Variants in NKAIN3 observed in about 807,000 individuals in gnomAD.
NKAIN3 encodes the protein sodium/potassium-transporting ATPase subunit beta-1-interacting protein 3.
A neutral mutation model predicts 30.2 loss-of-function variants in NKAIN3; 25 were observed. That is an observed-to-expected ratio of 0.83 (90% CI 0.60 to 1.16). The LOEUF (loss-of-function observed/expected upper bound fraction) is 1.16. NKAIN3 is among the 50% of genes most tolerant of loss of function. The pLI is 0.00. For missense variants in NKAIN3, 225 were observed against 254.1 expected (o/e 0.89, Z 0.78); for synonymous variants, 91 against 89.6 (o/e 1.02, Z -0.09).
intron 5 of NKAIN3, among the ~76,000 whole-genome samples, chr8:62,923,368 T>A (rs1187956046): frequency 6.6e-6 from 1 of 152,132 alleles, no homozygotes; most frequent in Non-Finnish European, 1.5e-5. Flanking sequence ...GTTTATAGTG[T>A]TAAATAAATT....
chr8:62,297,360 G>T (rs1244334138), intron 1 of NKAIN3, among the ~76,000 whole-genome samples: 2 of 151,906 alleles, frequency 1.3e-5, no homozygotes, highest in South Asian at 2.1e-4. Flanking sequence ...CACAGCAAAA[G>T]AAACTACCAT....
At chr8:62,420,415 G>C (rs1474128003) in intron 1 of NKAIN3, among the ~76,000 whole-genome samples, 2 of 152,158 alleles carry the variant, frequency 1.3e-5, no homozygotes, top group African/African-American at 4.8e-5. Flanking sequence ...TTTTTAAAAT[G>C]TAATTGGTAT....
intron 4 of NKAIN3, among the ~76,000 whole-genome samples, chr8:62,752,322 G>C (rs182477556): frequency 6.6e-6 from 1 of 152,074 alleles, no homozygotes; most frequent in Non-Finnish European, 1.5e-5. Context: ...TCCTATTTAG[G>C]CTGGTCCGTC....
intron 1 of NKAIN3, among the ~76,000 whole-genome samples, chr8:62,358,744 T>C (rs1816439416): frequency 6.6e-6 from 1 of 152,190 alleles, no homozygotes; most frequent in African/African-American, 2.4e-5. Flanking sequence ...CATTTATTAA[T>C]AATATAAAAT....
At chr8:62,907,144 G>A (rs1821799826) in intron 4 of NKAIN3, among the ~76,000 whole-genome samples, 1 of 152,178 alleles carries the variant, frequency 6.6e-6, no homozygotes, top group Non-Finnish European at 1.5e-5. Context: ...GCTATGTTTA[G>A]CAGGTGGCAT....
chr8:62,971,716 T>C lies in NKAIN3; in HGVS notation c.*6309T>C, dbSNP rs1823839125. ...ATACTTAGCAGTTTCAATCACACAGTTCAAACTAATTGACATGATTTCTTG... is the reference window on the plus strand; with the variant it reads ...ATACTTAGCAGTTTCAATCACACAGCTCAAACTAATTGACATGATTTCTTG... On this transcript the variant is annotated 3_prime_UTR_variant, in exon 7 of 7. Coordinates refer to ENST00000623646, the MANE Select transcript of NKAIN3 (RefSeq NM_001304533.3). Among the ~76,000 whole-genome samples, 1 of 152,176 alleles carries C rather than the reference T, an allele frequency of 6.6e-6. No homozygotes were observed. Among genetic ancestry groups the C allele is most frequent in the African/African-American group, 2.4e-5 (1 of 41,440 alleles).
At chr8:62,993,714 G>GA (rs1804034620) in intron 5 of NKAIN3, among the ~76,000 whole-genome samples, 1 of 152,138 alleles carries the variant, frequency 6.6e-6, no homozygotes, top group African/African-American at 2.4e-5. Context: ...ATGGAAATGA[G>GA]AAAAATACTA....
At chr8:62,894,983 AT>A (rs572062837) in intron 4 of NKAIN3, among the ~76,000 whole-genome samples, 91 of 152,288 alleles carry the variant, frequency 6.0e-4, no homozygotes, top group African/African-American at 2.1e-3. Context: ...AAAATCCCAC[AT>A]CACATCTAAT....
At chr8:62,583,711 T>TACCATTA (rs1810373788) in intron 2 of NKAIN3, among the ~76,000 whole-genome samples, 5 of 152,156 alleles carry the variant, frequency 3.3e-5, no homozygotes, top group Non-Finnish European at 5.9e-5. Flanking sequence ...ACTGGCAGAT[T>TACCATTA]CCAGATGATA....
At chr8:62,278,835 A>G (rs1037154523) in intron 1 of NKAIN3, among the ~76,000 whole-genome samples, 6 of 152,196 alleles carry the variant, frequency 3.9e-5, no homozygotes, top group Non-Finnish European at 5.9e-5. Context: ...GCTGCAATAA[A>G]CACACGTATG....
chr8:62,820,022 ACT>A (rs1818804826), intron 4 of NKAIN3, among the ~76,000 whole-genome samples: 1 of 152,162 alleles, frequency 6.6e-6, no homozygotes, highest in African/African-American at 2.4e-5. Flanking sequence ...TGAAATATTG[ACT>A]GGAAAACTGG....
intron 3 of NKAIN3, among the ~76,000 whole-genome samples, chr8:62,676,584 G>A (rs2130403095): frequency 6.6e-6 from 1 of 152,052 alleles, no homozygotes; most frequent in Non-Finnish European, 1.5e-5. Flanking sequence ...CAAAAACAAA[G>A]TATACTATCT....
intron 1 of NKAIN3, among the ~76,000 whole-genome samples, chr8:62,269,910 CTATT>C (rs1290389753): frequency 2.6e-5 from 4 of 152,052 alleles, no homozygotes; most frequent in African/African-American, 9.7e-5. Context: ...ATAAGTCTAT[CTATT>C]CTCTAAAAAT....
intron 3 of NKAIN3, among the ~76,000 whole-genome samples, chr8:62,670,630 T>C (rs1813270147): frequency 6.6e-6 from 1 of 151,982 alleles, no homozygotes; most frequent in South Asian, 2.1e-4. Context: ...CTTTTCACCA[T>C]TGCATATGGT....
chr8:62,946,955 G>A (rs901031938), intron 5 of NKAIN3, among the ~76,000 whole-genome samples: 2 of 152,172 alleles, frequency 1.3e-5, no homozygotes, highest in Non-Finnish European at 2.9e-5. Context: ...ATTATTTGCT[G>A]AATATAGTTA....
chr8:62,898,229 A>G (rs1431647773), intron 4 of NKAIN3, among the ~76,000 whole-genome samples: 3 of 24,800 alleles, frequency 1.2e-4, no homozygotes, highest in African/African-American at 3.9e-4. Flanking sequence ...GAATCAAAGG[A>G]AAAAAATCAT....
chr8:62,484,661 A>T (rs1806842173), intron 1 of NKAIN3, among the ~76,000 whole-genome samples: 1 of 152,214 alleles, frequency 6.6e-6, no homozygotes, highest in South Asian at 2.1e-4. Context: ...ACTCTAAGTT[A>T]TCTTTCTGGA....
chr8:62,313,751 C>A (rs1427100227), intron 1 of NKAIN3, among the ~76,000 whole-genome samples: 2 of 152,096 alleles, frequency 1.3e-5, no homozygotes, highest in Non-Finnish European at 2.9e-5. Context: ...AATTTCAGCA[C>A]CATTTTTCAA....
At chr8:62,324,433 T>C (rs1815046351) in intron 1 of NKAIN3, among the ~76,000 whole-genome samples, 1 of 152,128 alleles carries the variant, frequency 6.6e-6, no homozygotes, top group African/African-American at 2.4e-5. Flanking sequence ...ATAGTCTACT[T>C]CTCTCACACT....
Sources: gnomAD v4.1 joint callset for allele counts (sites outside exome capture counted in the v4.1 genomes callset) on GRCh38, gnomAD v4.1.1 for gene constraint, MANE v1.5 for transcripts, NCBI Gene and HGNC (gene_info 2026-07-23, HGNC 2026-07-21) for gene names.